Variants in SCHIP1 observed in about 807,000 individuals in gnomAD.
The protein encoded by SCHIP1 is schwannomin interacting protein 1, also known as schwannomin-interacting protein 1.
A neutral mutation model predicts 29.7 loss-of-function variants in SCHIP1; 8 were observed. That is an observed-to-expected ratio of 0.27 (90% CI 0.16 to 0.49). SCHIP1 has a LOEUF of 0.49. Among genes scored for constraint, SCHIP1 ranks in the 20% least tolerant of loss-of-function variants. The probability of loss-of-function intolerance (pLI) is 0.99; values close to 1 mark genes in which losing one functional copy is unlikely to be tolerated. For missense variants in SCHIP1, 193 were observed against 294.6 expected (o/e 0.66, Z 2.52); for synonymous variants, 76 against 94.9 (o/e 0.80, Z 1.16).
the SCHIP1 span, among the ~76,000 whole-genome samples, chr3:159,831,092 G>A: frequency 6.6e-6 from 1 of 152,206 alleles, no homozygotes; most frequent in African/African-American, 2.4e-5. Context: ...GGCTTCCTCT[G>A]TAGCTTGCCT....
At chr3:159,646,938 C>T in the SCHIP1 span, among the ~76,000 whole-genome samples, 1 of 152,010 alleles carries the variant, frequency 6.6e-6, no homozygotes. Context: ...GCACTGTCTG[C>T]CCCATCTAGT....
chr3:159,543,200 TTTG>T, the SCHIP1 span, among the ~76,000 whole-genome samples: 4 of 151,480 alleles, frequency 2.6e-5, no homozygotes, highest in Admixed American at 6.6e-5. Flanking sequence ...TTTGTTTTGT[TTTG>T]TTTTTTTATT....
At chr3:159,531,551 C>A in the SCHIP1 span, among the ~76,000 whole-genome samples, 90 of 152,308 alleles carry the variant, frequency 5.9e-4, no homozygotes, top group African/African-American at 2.1e-3. Context: ...ATACAAGATA[C>A]CGTACCTACA....
At chr3:159,381,802 G>C in the SCHIP1 span, among the ~76,000 whole-genome samples, 1 of 151,992 alleles carries the variant, frequency 6.6e-6, no homozygotes, top group Non-Finnish European at 1.5e-5. Context: ...CACCATGTTG[G>C]CCAGGCTGGT....
the SCHIP1 span, chr3:159,721,689 C>T: frequency 3.2e-6 from 1 of 311,952 alleles, no homozygotes; most frequent in Non-Finnish European, 6.3e-6. Context: ...TGTTGAGCTC[C>T]TAATGATAAA....
At chr3:159,525,587 C>T in the SCHIP1 span, among the ~76,000 whole-genome samples, 2 of 152,158 alleles carry the variant, frequency 1.3e-5, no homozygotes, top group African/African-American at 4.8e-5. Flanking sequence ...TGAGAGAGCA[C>T]CATTCAGCTA....
the SCHIP1 span, among the ~76,000 whole-genome samples, chr3:159,490,250 CTCTT>C: frequency 6.6e-6 from 1 of 152,272 alleles, no homozygotes; most frequent in East Asian, 1.9e-4. Flanking sequence ...TTCATGTCCT[CTCTT>C]AGTTACTTTG....
the SCHIP1 span, among the ~76,000 whole-genome samples, chr3:159,609,455 CT>C: frequency 2.0e-5 from 3 of 152,156 alleles, no homozygotes; most frequent in Non-Finnish European, 4.4e-5. Context: ...ATCCAGGATC[CT>C]TTTCTTTAAT....
chr3:159,401,047 A>C, the SCHIP1 span: 225 of 250,310 alleles, frequency 9.0e-4, no homozygotes, highest in Non-Finnish European at 1.1e-3. Context: ...CCTGTACCTG[A>C]CACATAATAA....
the SCHIP1 span, among the ~76,000 whole-genome samples, chr3:159,566,703 T>C: frequency 6.6e-6 from 1 of 152,018 alleles, no homozygotes; most frequent in African/African-American, 2.4e-5. Context: ...ATGTGCCAGG[T>C]GTGTCCTAGA....
chr3:159,814,717 T>C, the SCHIP1 span, among the ~76,000 whole-genome samples: 4 of 152,212 alleles, frequency 2.6e-5, no homozygotes, highest in Non-Finnish European at 5.9e-5. Flanking sequence ...CTGCCAACTG[T>C]CCTCTTCAGC....
chr3:159,846,434 G>A (rs1000247895), intron 1 of SCHIP1, among the ~76,000 whole-genome samples: 30 of 152,284 alleles, frequency 2.0e-4, no homozygotes, highest in African/African-American at 5.5e-4. Flanking sequence ...GTCATTAATG[G>A]TTAACAAAGG....
At chr3:159,395,780 A>G in the SCHIP1 span, among the ~76,000 whole-genome samples, 1 of 151,544 alleles carries the variant, frequency 6.6e-6, no homozygotes, top group African/African-American at 2.4e-5. Context: ...GTGGTGCTGA[A>G]AAAAATGTAT....
chr3:159,656,635 G>T, the SCHIP1 span, among the ~76,000 whole-genome samples: 1 of 152,080 alleles, frequency 6.6e-6, no homozygotes, highest in East Asian at 1.9e-4. Flanking sequence ...TCTGAATTAC[G>T]TGGTACCCAC....
At chr3:159,450,190 G>A in the SCHIP1 span, among the ~76,000 whole-genome samples, 3 of 152,128 alleles carry the variant, frequency 2.0e-5, no homozygotes, top group East Asian at 5.8e-4. Flanking sequence ...ATTCAATAAT[G>A]TTCTACATGA....
chr3:159,330,203 A>T, the SCHIP1 span, among the ~76,000 whole-genome samples: 1 of 152,256 alleles, frequency 6.6e-6, no homozygotes, highest in Admixed American at 6.5e-5. Flanking sequence ...TTTTCTCTTG[A>T]TTTTTAATGT....
the SCHIP1 span, among the ~76,000 whole-genome samples, chr3:159,496,956 C>T: frequency 7.2e-5 from 11 of 152,142 alleles, no homozygotes; most frequent in African/African-American, 1.7e-4. Context: ...TCCTTTGTAG[C>T]GACATGGATG....
the SCHIP1 span, among the ~76,000 whole-genome samples, chr3:159,720,988 A>G: frequency 5.9e-5 from 9 of 152,344 alleles, no homozygotes; most frequent in East Asian, 1.7e-3. Context: ...AAAAATATAT[A>G]CAGTTTTGCT....
the SCHIP1 span, among the ~76,000 whole-genome samples, chr3:159,616,875 T>C: frequency 6.6e-6 from 1 of 152,176 alleles, no homozygotes; most frequent in African/African-American, 2.4e-5. Context: ...TGGTGGTCCC[T>C]AGCCACATGT....
Sources: allele counts gnomAD v4.1 joint callset (sites outside exome capture counted in the v4.1 genomes callset), GRCh38; gene constraint gnomAD v4.1.1; transcripts MANE v1.5; gene names NCBI Gene and HGNC (gene_info 2026-07-23, HGNC 2026-07-21).